CDYL2: variants seen among roughly 807,000 people sequenced by gnomAD.
CDYL2 encodes the protein chromodomain Y-like protein 2.
A neutral mutation model predicts 49.4 loss-of-function variants in CDYL2; 23 were observed. The ratio of observed to expected loss-of-function variants is 0.47; its 90% CI spans 0.34 to 0.66. The LOEUF is 0.66. CDYL2 is among the 30% of genes least tolerant of loss of function. The probability of loss-of-function intolerance (pLI) is 0.01; values close to 1 mark genes in which losing one functional copy is unlikely to be tolerated. For missense variants in CDYL2, 678 were observed against 656.4 expected, an observed-to-expected ratio of 1.03 and a Z score of -0.36; for synonymous variants, 360 against 268.8, an observed-to-expected ratio of 1.34 and a Z score of -3.32.
At chr16:80,796,638 C>T (rs995412410) in intron 1 of CDYL2, among the ~76,000 whole-genome samples, 1 of 152,130 alleles carries the variant, frequency 6.6e-6, no homozygotes, top group African/African-American at 2.4e-5. Flanking sequence ...AAGTCTACAC[C>T]ACAATCTTTT....
At chr16:80,642,164 C>T (rs140680787) in intron 2 of CDYL2, among the ~76,000 whole-genome samples, 162 of 152,142 alleles carry the variant, frequency 1.1e-3, no homozygotes, top group Non-Finnish European at 1.8e-3. Context: ...TATTAGTCGC[C>T]GGGTGTGGTG....
chr16:80,714,859 A>C (rs1904742018), intron 1 of CDYL2, among the ~76,000 whole-genome samples: 1 of 152,178 alleles, frequency 6.6e-6, no homozygotes, highest in Non-Finnish European at 1.5e-5. Flanking sequence ...ATGAAAGGTG[A>C]GCATTTACAA....
chr16:80,706,443 T>A (rs1016176443), intron 1 of CDYL2, among the ~76,000 whole-genome samples: 1 of 152,190 alleles, frequency 6.6e-6, no homozygotes, highest in African/African-American at 2.4e-5. Context: ...TCAAACTATT[T>A]TTGCCTCTCT....
At chr16:80,651,389 C>G (rs1908575861) in intron 2 of CDYL2, among the ~76,000 whole-genome samples, 1 of 151,912 alleles carries the variant, frequency 6.6e-6, no homozygotes, top group Non-Finnish European at 1.5e-5. Flanking sequence ...CTAGTAAAAG[C>G]AAAAGTATAA....
intron 1 of CDYL2, among the ~76,000 whole-genome samples, chr16:80,795,245 G>A (rs1907735791): frequency 6.6e-6 from 1 of 152,146 alleles, no homozygotes; most frequent in Non-Finnish European, 1.5e-5. Context: ...TCCCACAAAC[G>A]TATCCCTCAA....
At chr16:80,721,729 C>A (rs1225238560) in intron 1 of CDYL2, among the ~76,000 whole-genome samples, 1 of 152,228 alleles carries the variant, frequency 6.6e-6, no homozygotes, top group Non-Finnish European at 1.5e-5. Flanking sequence ...GACCACCCTT[C>A]AGCTTCTCCA....
In CDYL2 at chr16:80,804,241, G is replaced by T; in HGVS notation, c.-68C>A. ...GCTCGCGCCCTCCGTGCGTGTGCGCGCGGGGTCCGGTGTGCGCGTGTGTGT... is the reference window on the plus strand; with the variant it reads ...GCTCGCGCCCTCCGTGCGTGTGCGCTCGGGGTCCGGTGTGCGCGTGTGTGT... On this transcript the variant is annotated 5_prime_UTR_variant, in exon 1 of 7. Coordinates refer to ENST00000570137, the MANE Select transcript of CDYL2 (RefSeq NM_152342.4). 12 of 1,300,482 alleles carry T rather than the reference G, an allele frequency of 9.2e-6. No homozygotes were observed. The highest frequency in any genetic ancestry group is 1.1e-5 in the Non-Finnish European group (11 of 990,572). 80.6% of individuals were successfully genotyped at this position (1,300,482 alleles called of 1,614,324 possible).
intron 2 of CDYL2, among the ~76,000 whole-genome samples, chr16:80,638,958 G>A (rs752315792): frequency 7.2e-5 from 11 of 152,118 alleles, no homozygotes; most frequent in South Asian, 2.1e-4. Context: ...AACATGATCC[G>A]TGAAATAAAA....
intron 1 of CDYL2, among the ~76,000 whole-genome samples, chr16:80,781,229 G>A (rs145773989): frequency 1.3e-3 from 194 of 152,278 alleles, no homozygotes; most frequent in African/African-American, 4.3e-3. Context: ...GGAACTGTTC[G>A]TATGAAAAGT....
intron 1 of CDYL2, among the ~76,000 whole-genome samples, chr16:80,729,761 A>G (rs1037880036): frequency 3.9e-5 from 6 of 152,346 alleles, no homozygotes; most frequent in African/African-American, 1.4e-4. Context: ...CTCTCAGACC[A>G]CAGTGCAATC....
At chr16:80,737,654 G>A (rs1318509166) in intron 1 of CDYL2, among the ~76,000 whole-genome samples, 2 of 152,104 alleles carry the variant, frequency 1.3e-5, no homozygotes, top group Non-Finnish European at 2.9e-5. Flanking sequence ...CTCAAACTTT[G>A]GTGTGCATCA....
rs182998071 is a variant in CDYL2, at chr16:80,710,107, T to A, written c.25-24978A>T. On this transcript the variant is annotated intron_variant, in intron 1 of 6. Coordinates refer to ENST00000570137, the MANE Select transcript of CDYL2 (RefSeq NM_152342.4). ...CACGCCTGGCTAATTTTTGTATTTTTAGTACAGACGGGGATTTCGCCATGT... is the reference window on the plus strand; with the variant it reads ...CACGCCTGGCTAATTTTTGTATTTTAAGTACAGACGGGGATTTCGCCATGT... Among the ~76,000 whole-genome samples the A allele has an allele frequency of 4.0e-3, 615 of 152,240 alleles. 1 individual carries two copies. Among genetic ancestry groups the A allele is most frequent in the Non-Finnish European group, 5.5e-3 (374 of 68,004 alleles).
chr16:80,772,905 A>G (rs1161060236), intron 1 of CDYL2, among the ~76,000 whole-genome samples: 2 of 151,514 alleles, frequency 1.3e-5, no homozygotes, highest in East Asian at 3.9e-4. Context: ...GGAACATAGA[A>G]TAGGTGGGAC....
chr16:80,643,751 C>G (rs1908208750), intron 2 of CDYL2, among the ~76,000 whole-genome samples: 1 of 152,224 alleles, frequency 6.6e-6, no homozygotes, highest in African/African-American at 2.4e-5. Context: ...GCTGGAGCAG[C>G]TGGGACACAG....
At chr16:80,795,784 G>A (rs1907753507) in intron 1 of CDYL2, among the ~76,000 whole-genome samples, 1 of 152,184 alleles carries the variant, frequency 6.6e-6, no homozygotes, top group African/African-American at 2.4e-5. Context: ...ACCAGTTCTA[G>A]TCTAAGACCC....
intron 1 of CDYL2, among the ~76,000 whole-genome samples, chr16:80,720,297 C>T (rs560636057): frequency 2.0e-5 from 3 of 152,226 alleles, no homozygotes; most frequent in African/African-American, 7.2e-5. Context: ...ACTCTAAATG[C>T]CAGAACATCA....
intron 2 of CDYL2, among the ~76,000 whole-genome samples, chr16:80,637,138 CACGTGTAT>C (rs1053374641): frequency 6.6e-6 from 1 of 151,792 alleles, no homozygotes; most frequent in African/African-American, 2.4e-5. Flanking sequence ...ACCACCATGG[CACGTGTAT>C]ACTTATGTAA....
intron 2 of CDYL2, among the ~76,000 whole-genome samples, chr16:80,680,269 C>T (rs1176319405): frequency 6.6e-6 from 1 of 152,154 alleles, no homozygotes; most frequent in African/African-American, 2.4e-5. Flanking sequence ...GATGCAACGT[C>T]TGTGCAGCAG....
chr16:80,617,925 A>G (rs1906903632), intron 4 of CDYL2, among the ~76,000 whole-genome samples: 1 of 152,172 alleles, frequency 6.6e-6, no homozygotes, highest in Admixed American at 6.5e-5. Flanking sequence ...TGACATCAAA[A>G]GATGCGCTGG....
Sources: allele counts gnomAD v4.1 joint callset (sites outside exome capture counted in the v4.1 genomes callset), GRCh38; gene constraint gnomAD v4.1.1; transcripts MANE v1.5; gene names NCBI Gene and HGNC (gene_info 2026-07-23, HGNC 2026-07-21).